Variants in HAUS1 observed in about 807,000 individuals in gnomAD.
HAUS1 encodes the protein HAUS augmin-like complex subunit 1.
In HAUS1, 25 loss-of-function variants were observed where a neutral mutation model predicts 38.6. The observed-to-expected ratio is 0.65, with a 90% CI of 0.47 to 0.91. The LOEUF (loss-of-function observed/expected upper bound fraction) is 0.91. HAUS1 is among the 40% of genes least tolerant of loss of function. HAUS1 has a pLI of 0.00. For missense variants in HAUS1, 325 were observed against 328.4 expected (o/e 0.99, Z 0.08); for synonymous variants, 109 against 112.9 (o/e 0.97, Z 0.22).
intron 1 of HAUS1, 71 bp downstream of exon 1, chr18:46,104,512 G>C (rs889141336): frequency 7.7e-7 from 1 of 1,296,144 alleles, no homozygotes; most frequent in South Asian, 1.7e-5. Context: ...GCCGACAGCG[G>C]GTCTCCTGTG....
intron 4 of HAUS1, among the ~76,000 whole-genome samples, chr18:46,120,477 G>T (rs71364522): frequency 0.34 from 51,524 of 151,206 alleles, 9,453 homozygotes; most frequent in Middle Eastern, 0.51. Flanking sequence ...CAGGTGATCC[G>T]CCCGCCTCGG....
At chr18:46,124,793 A>G (rs766529446) in intron 6 of HAUS1, 29 bp from the exon 7 acceptor site, 3 of 1,343,898 alleles carry the variant, frequency 2.2e-6, no homozygotes, top group Admixed American at 3.7e-5. Context: ...TGTTTCTATT[A>G]CTCTGTGACT....
intron 8 of HAUS1, among the ~76,000 whole-genome samples, chr18:46,126,216 A>G (rs1185787459): frequency 6.6e-6 from 1 of 152,156 alleles, no homozygotes; most frequent in Non-Finnish European, 1.5e-5. Context: ...TGGAGGTTGC[A>G]GTGAACTGAG....
intron 3 of HAUS1, among the ~76,000 whole-genome samples, chr18:46,118,680 T>A (rs1306847825): frequency 6.6e-6 from 1 of 152,180 alleles, no homozygotes; most frequent in East Asian, 1.9e-4. Flanking sequence ...GAATTTTCAT[T>A]CTTTTTAACA....
chr18:46,105,592 G>GTGTGTGTGTGTATA (rs796714516), intron 2 of HAUS1, among the ~76,000 whole-genome samples: 1 of 144,936 alleles, frequency 6.9e-6, no homozygotes, highest in Non-Finnish European at 1.5e-5. Context: ...GTGTGTGTGT[G>GTGTGTGTGTGTATA]TATATATTTT....
intron 5 of HAUS1, among the ~76,000 whole-genome samples, chr18:46,123,007 C>T (rs570669385): frequency 6.6e-6 from 1 of 151,970 alleles, no homozygotes; most frequent in East Asian, 1.9e-4. Context: ...GTCAGGAGAT[C>T]GAGACCATCC....
In HAUS1 at chr18:46,122,609, A is replaced by G. The variant is rs780370695; in HGVS notation, c.600+19A>G. On this transcript the variant is annotated intron_variant, in intron 5 of 8. Coordinates refer to ENST00000282058, the MANE Select transcript of HAUS1 (RefSeq NM_138443.4). ...TGCAGAGGTTTGTATGAAGGACCGA[A>G]TATAGTTAGCTCTCTTCGGCCTGAT... 1.2e-6 allele frequency: 2 copies of G among 1,613,690 alleles called. No individual in the cohort carries two copies. The highest frequency in any genetic ancestry group is 1.7e-6 in the Non-Finnish European group (2 of 1,179,760).
intron 2 of HAUS1, among the ~76,000 whole-genome samples, chr18:46,108,137 A>G (rs1454661386): frequency 1.3e-5 from 2 of 152,102 alleles, no homozygotes; most frequent in Non-Finnish European, 2.9e-5. Context: ...ATGATGTTGG[A>G]TAGAATTGGC....
chr18:46,117,613 G>A (rs1911829530), intron 2 of HAUS1, among the ~76,000 whole-genome samples: 1 of 152,160 alleles, frequency 6.6e-6, no homozygotes, highest in African/African-American at 2.4e-5. Context: ...CAGATCACCT[G>A]AGGTCAGCCT....
rs564373480 is a variant in HAUS1, at chr18:46,124,084, T to C, written c.666+720T>C. Among the ~76,000 whole-genome samples the C allele has an allele frequency of 2.0e-5, 3 of 152,158 alleles. No homozygotes were observed. The South Asian group carries it at 6.2e-4, about 32-fold the overall frequency. The stretch of plus-strand genomic sequence containing the variant: ...CTCTTAATCACATTCTTTTCTATTC[T>C]AAGACAGCATACTTCAATCCTATTG... On this transcript the variant is annotated intron_variant, in intron 6 of 8. Transcript: ENST00000282058.
Position 46,128,104 on chromosome 18 carries a change from A to T in HAUS1, c.816A>T (p.Arg272Ser). ...GCATTGAAGCTGAACTTACAAGAAG[A>T]GTAGACATGATGGAACTGTGACAAA... is the stretch of plus-strand genomic sequence containing the variant. ...LDSIEAELTR[R>S]VDMMEL Residue 272 changes from arginine (R) to serine (S), a missense_variant, in exon 9 of 9, where the codon AGA (arginine) becomes AGT (serine). Coordinates refer to ENST00000282058, the MANE Select transcript of HAUS1 (RefSeq NM_138443.4). 6.3e-7 allele frequency: 1 copy of T among 1,590,700 alleles called. No homozygotes were observed. The highest frequency in any genetic ancestry group is 8.5e-7 in the Non-Finnish European group (1 of 1,171,108).
chr18:46,104,756 C>T (rs1416941231), intron 1 of HAUS1, among the ~76,000 whole-genome samples: 1 of 142,912 alleles, frequency 7.0e-6, no homozygotes. Flanking sequence ...AGCCCGGCGG[C>T]TTCCACATCT....
intron 7 of HAUS1, among the ~76,000 whole-genome samples, 197 bp from the exon 8 acceptor site, chr18:46,125,546 CA>C (rs34079682): frequency 0.17 from 20,836 of 122,960 alleles, 1,886 homozygotes; most frequent in East Asian, 0.49. Context: ...GACTCTGTCT[CA>C]AAAAAAAAAA....
chr18:46,108,885 C>A (rs963991077), intron 2 of HAUS1, among the ~76,000 whole-genome samples: 2 of 151,986 alleles, frequency 1.3e-5, no homozygotes, highest in Non-Finnish European at 2.9e-5. Flanking sequence ...TCCTGGCTAA[C>A]ACGGTGAAAT....
chr18:46,118,420 C>T (rs1911852631), intron 3 of HAUS1, 104 bp downstream of exon 3: 1 of 1,067,136 alleles, frequency 9.4e-7, no homozygotes, highest in Non-Finnish European at 1.4e-6. Context: ...GCAATAAATA[C>T]AAAGCACTGA....
chr18:46,126,907 T>TCACTGCAACCTCCACCTCCCTG (rs902168952), intron 8 of HAUS1: 4 of 151,966 alleles, frequency 2.6e-5, no homozygotes, highest in African/African-American at 9.6e-5. Context: ...TGATCTCAGA[T>TCACTGCAACCTCCACCTCCCTG]CACTGCAACC....
At chr18:46,119,333 G>C (rs1476015727) in intron 3 of HAUS1, among the ~76,000 whole-genome samples, 1 of 145,442 alleles carries the variant, frequency 6.9e-6, no homozygotes. Context: ...AATTAAATAA[G>C]TTCAGCAGAT....
At chr18:46,107,856 A>G (rs1297019704) in intron 2 of HAUS1, among the ~76,000 whole-genome samples, 3 of 152,084 alleles carry the variant, frequency 2.0e-5, no homozygotes, top group East Asian at 1.9e-4. Context: ...TTTTAGATGA[A>G]GTTTTGTTGT....
At chr18:46,116,397 A>G (rs1911798655) in intron 2 of HAUS1, among the ~76,000 whole-genome samples, 1 of 151,422 alleles carries the variant, frequency 6.6e-6, no homozygotes, top group Admixed American at 6.6e-5. Context: ...CTACATCTCT[A>G]AAAAATTACC....
Sources: gnomAD v4.1 joint callset for allele counts (sites outside exome capture counted in the v4.1 genomes callset) on GRCh38, gnomAD v4.1.1 for gene constraint, MANE v1.5 for transcripts, NCBI Gene and HGNC (gene_info 2026-07-23, HGNC 2026-07-21) for gene names.